The following VAV1 variants were observed in gnomAD, a reference collection of about 807,000 sequenced individuals.
The protein encoded by VAV1 is proto-oncogene vav.
In VAV1, 33 loss-of-function variants were observed where a neutral mutation model predicts 128.1. That is an observed-to-expected ratio of 0.26 (90% CI 0.20 to 0.34). VAV1 has a LOEUF of 0.34. Ranked by LOEUF, VAV1 falls within the 10% of genes least tolerant of loss-of-function variation. The pLI, the probability that VAV1 is intolerant of heterozygous loss-of-function variation, is 1.00. For synonymous variants in VAV1, 394 were observed against 409.8 expected (o/e 0.96, Z 0.47); for missense variants, 715 against 1,093.7 (o/e 0.65, Z 4.88).
At position 6,828,854 on chromosome 19, in the gene VAV1, G is replaced by A; in HGVS notation, c.1219G>A (p.Gly407Arg). The change falls in exon 13 of 27, where the codon GGG becomes AGG. Residue 407 changes from glycine (G) to arginine (R), a missense_variant. Physicochemically the swap from Gly to Arg is moderately radical, Grantham distance 125. This residue lies in a region of VAV1 where 407 missense variants were observed against 580.6 expected (regional missense o/e 0.70). Coordinates refer to ENST00000602142, the MANE Select transcript of VAV1 (RefSeq NM_005428.4). The surrounding 1 kb of genome is among the most constrained non-coding windows in gnomAD (Gnocchi z 4.5). ...LAHYGRPKID[G>R]ELKITSVERR... ...TCACTATGGCCGGCCCAAGATCGACGGGGAACTCAAGATCACCTCGGTGGA... is the reference window on the plus strand; with the variant it reads ...TCACTATGGCCGGCCCAAGATCGACAGGGAACTCAAGATCACCTCGGTGGA... 1.2e-6 allele frequency: 2 copies of A among 1,614,156 alleles called. No homozygotes were observed. The highest frequency in any genetic ancestry group is 1.7e-6 in the Non-Finnish European group (2 of 1,180,036).
chr19:6,822,254 C>G lies in VAV1; in HGVS notation c.483C>G (p.Asp161Glu), dbSNP rs1405584178. The G allele has an allele frequency of 1.3e-6, 2 of 1,590,452 alleles. No homozygotes were observed. Among genetic ancestry groups the G allele is most frequent in the Admixed American group, 1.8e-5 (1 of 55,348 alleles). The change falls in exon 5 of 27, where the codon GAC becomes GAG. Residue 161 changes from aspartate to glutamate, a missense_variant. Physicochemically the swap from Asp to Glu is conservative, Grantham distance 45 (BLOSUM62 2). Around this residue, in one of 3 missense-constraint regions of VAV1, gnomAD observed 302 missense variants for 477.8 expected, o/e 0.63. Coordinates refer to ENST00000602142, the MANE Select transcript of VAV1 (RefSeq NM_005428.4). This position sits in a 1 kb window ranked among gnomAD's most constrained non-coding sequence, Gnocchi z 5.9. ...TGGAGGAGGATGAGGACCTGTATGA[C>G]TGCGTGGAGAATGAGGAGGCGGAAG... ...DTVEEDEDLY[D>E]CVENEEAEGD...
At chr19:6,837,093 G>A in intron 21 of VAV1, 43 bp downstream of exon 21, 1 of 1,605,486 alleles carries the variant, frequency 6.2e-7, no homozygotes, top group Non-Finnish European at 8.5e-7. Context: ...AAGGGGTCCA[G>A]GGCGGGTCCT....
intron 1 of VAV1, among the ~76,000 whole-genome samples, chr19:6,795,416 C>T (rs1203800654): frequency 2.0e-5 from 3 of 152,054 alleles, no homozygotes; most frequent in Non-Finnish European, 2.9e-5. Flanking sequence ...GTTTTGAAGA[C>T]CAGAGGAGAC....
At chr19:6,838,223 T>TATCC (rs1290379517) in intron 21 of VAV1, among the ~76,000 whole-genome samples, 1 of 144,852 alleles carries the variant, frequency 6.9e-6, no homozygotes, top group Non-Finnish European at 1.5e-5. Flanking sequence ...ATTATCTATC[T>TATCC]ATATCATCAT....
chr19:6,828,805 T>A lies in VAV1; in HGVS notation c.1180-10T>A. 1 of 1,614,126 alleles carries A rather than the reference T, an allele frequency of 6.2e-7. No individual in the cohort carries two copies. The highest frequency in any genetic ancestry group is 8.5e-7 in the Non-Finnish European group (1 of 1,180,014). On this transcript the variant is annotated splice_polypyrimidine_tract_variant and intron_variant, in intron 12 of 26. Transcript: ENST00000602142. This position sits in a 1 kb window ranked among gnomAD's most constrained non-coding sequence, Gnocchi z 4.5. ...GGAGACCCTTGCTAGACCCCCTGCC[T>A]ACTGCATAGGACCAGTCTCTGGCTC...
At chr19:6,836,925 C>T in intron 20 of VAV1, 60 bp from the exon 21 acceptor site, 1 of 1,541,930 alleles carries the variant, frequency 6.5e-7, no homozygotes, top group Middle Eastern at 1.7e-4. Context: ...GTTTAGATGG[C>T]AGGTGGGGTT....
At chr19:6,827,694 G>A (rs538809686) in intron 9 of VAV1, among the ~76,000 whole-genome samples, 1 of 151,586 alleles carries the variant, frequency 6.6e-6, no homozygotes, top group Non-Finnish European at 1.5e-5. Context: ...TGCCTCCCGG[G>A]TTCAAGCAAT....
intron 21 of VAV1, among the ~76,000 whole-genome samples, chr19:6,840,270 A>T (rs1972337540): frequency 6.7e-6 from 1 of 150,288 alleles, no homozygotes; most frequent in African/African-American, 2.4e-5. Context: ...TTCAAGGCTC[A>T]TCCATGTTGT....
At chr19:6,845,590 TTA>T (rs1342779216) in intron 22 of VAV1, among the ~76,000 whole-genome samples, 2 of 151,162 alleles carry the variant, frequency 1.3e-5, no homozygotes, top group Non-Finnish European at 2.9e-5. Flanking sequence ...TATTGTGTAT[TTA>T]TGTTTACAAC....
At chr19:6,837,410 C>T (rs762270209) in intron 21 of VAV1, among the ~76,000 whole-genome samples, 15 of 152,056 alleles carry the variant, frequency 9.9e-5, no homozygotes, top group Non-Finnish European at 1.8e-4. Flanking sequence ...TGTGTCCTTG[C>T]CCTGCTCCTG....
chr19:6,798,225 G>C (rs999557289), intron 1 of VAV1, among the ~76,000 whole-genome samples: 1 of 151,638 alleles, frequency 6.6e-6, no homozygotes, highest in Non-Finnish European at 1.5e-5. Context: ...TGCAGTGAGC[G>C]GAGATCGCAT....
chr19:6,839,632 C>A (rs1972322742), intron 21 of VAV1, among the ~76,000 whole-genome samples: 1 of 152,134 alleles, frequency 6.6e-6, no homozygotes, highest in Non-Finnish European at 1.5e-5. Flanking sequence ...GGTGATTCCT[C>A]ATTCATTTTA....
chr19:6,853,841 T>C, intron 25 of VAV1, 106 bp from the exon 26 acceptor site: 3 of 1,435,384 alleles, frequency 2.1e-6, no homozygotes, highest in Non-Finnish European at 2.8e-6. Flanking sequence ...AAAAGAGCAC[T>C]GAGGAGCCCT....
At chr19:6,833,442 A>T in intron 16 of VAV1, 86 bp from the exon 17 acceptor site, 1 of 1,429,784 alleles carries the variant, frequency 7.0e-7, no homozygotes, top group South Asian at 1.3e-5. Context: ...AAGAGAACCC[A>T]AGGGGTCCCT....
rs776828202 is a variant in VAV1, at chr19:6,828,467, C to T, written c.1072C>T (p.Leu358=). 6.2e-7 allele frequency: 1 copy of T among 1,614,076 alleles called. No individual in the cohort carries two copies. Residue 358 remains leucine (L), a synonymous_variant, in exon 11 of 27, where the codon CTG becomes TTG. Coordinates refer to ENST00000602142, the MANE Select transcript of VAV1 (RefSeq NM_005428.4). This position sits in a 1 kb window ranked among gnomAD's most constrained non-coding sequence, Gnocchi z 4.5. The part of the protein sequence containing the change: ...QEAMEKENLR[L]ALDAMRDLAQ... ...GGCGATGGAGAAGGAGAACCTGCGG[C>T]TGGCCCTGGATGCCATGAGGGTGAG...
intron 22 of VAV1, 90 bp from the exon 23 acceptor site, chr19:6,847,908 G>A: frequency 8.3e-7 from 1 of 1,208,496 alleles, no homozygotes; most frequent in Non-Finnish European, 1.1e-6. Context: ...AAAATCAAAG[G>A]GGTTCAGGGG....
chr19:6,779,947 T>A (rs1426198320), intron 1 of VAV1, among the ~76,000 whole-genome samples: 1 of 148,848 alleles, frequency 6.7e-6, no homozygotes, highest in African/African-American at 2.4e-5. Flanking sequence ...CCGTCTCTAC[T>A]AAAAATACAA....
chr19:6,821,600 A>G (rs1971785130), intron 2 of VAV1, 22 bp from the exon 3 acceptor site: 2 of 1,613,512 alleles, frequency 1.2e-6, no homozygotes, highest in Non-Finnish European at 1.7e-6. Flanking sequence ...GGGCTCACTG[A>G]GTGGCCACTG....
At chr19:6,814,572 A>G (rs1362602127) in intron 1 of VAV1, among the ~76,000 whole-genome samples, 1 of 151,586 alleles carries the variant, frequency 6.6e-6, no homozygotes, top group Non-Finnish European at 1.5e-5. Context: ...ATTCTTTGGG[A>G]ATTTCTATGT....
Sources: allele counts gnomAD v4.1 joint callset (sites outside exome capture counted in the v4.1 genomes callset), GRCh38; gene constraint gnomAD v4.1.1; regional missense constraint gnomAD v4.1.1; non-coding constraint Gnocchi (gnomAD v3.1); transcripts MANE v1.5; gene names NCBI Gene and HGNC (gene_info 2026-07-23, HGNC 2026-07-21).